Variants in SDK2 observed in about 807,000 individuals in gnomAD.
SDK2 encodes sidekick cell adhesion molecule 2, also known as protein sidekick-2.
In SDK2, 105 loss-of-function variants were observed where a neutral mutation model predicts 253.9. The observed-to-expected ratio is 0.41, with a 90% CI of 0.35 to 0.49. The LOEUF is 0.49. SDK2 is among the 20% of genes least tolerant of loss of function. The pLI, the probability that SDK2 is intolerant of heterozygous loss-of-function variation, is 0.06. For missense variants in SDK2, 2,608 were observed against 3,003.0 expected (o/e 0.87, Z 3.07); for synonymous variants, 1,249 against 1,234.9 (o/e 1.01, Z -0.24).
intron 1 of SDK2, among the ~76,000 whole-genome samples, chr17:73,640,830 A>C (rs2046389626): frequency 6.6e-6 from 1 of 152,014 alleles, no homozygotes; most frequent in Non-Finnish European, 1.5e-5. Context: ...TTCTCCCCCC[A>C]GGCATGATTC....
chr17:73,415,779 G>A (rs374208585), intron 17 of SDK2, 32 bp downstream of exon 17: 54 of 1,536,136 alleles, frequency 3.5e-5, no homozygotes, highest in African/African-American at 1.4e-4. Flanking sequence ...ATGAGCCACC[G>A]CGCCTGGTCT....
chr17:73,466,042 T>G lies in SDK2; in HGVS notation c.331+6070A>C, dbSNP rs1045352754. 2.4e-4 allele frequency among the ~76,000 whole-genome samples: 37 copies of G among 152,124 alleles called. 1 individual carries two copies. Among genetic ancestry groups the G allele is most frequent in the African/African-American group, 8.7e-4 (36 of 41,432 alleles). Reference sequence around the variant, plus strand: ...CTGGGGTAGGGAGAGGGGACTGAAGTGCTGAGGGTGAAAGATTTAAGGAGG... The same window carrying G: ...CTGGGGTAGGGAGAGGGGACTGAAGGGCTGAGGGTGAAAGATTTAAGGAGG... On this transcript the variant is annotated intron_variant, in intron 3 of 44. Coordinates refer to ENST00000392650, the MANE Select transcript of SDK2 (RefSeq NM_001144952.2).
At chr17:73,582,066 G>A (rs551310929) in intron 1 of SDK2, among the ~76,000 whole-genome samples, 10 of 152,328 alleles carry the variant, frequency 6.6e-5, no homozygotes, top group African/African-American at 2.2e-4. Context: ...CCCACTTTGG[G>A]CTGAGCAGGG....
chr17:73,588,206 C>G (rs532841355), intron 1 of SDK2, among the ~76,000 whole-genome samples: 8 of 140,636 alleles, frequency 5.7e-5, no homozygotes, highest in East Asian at 4.1e-4. Context: ...GACCCCCCCC[C>G]CTCCCCCGCC....
intron 1 of SDK2, among the ~76,000 whole-genome samples, chr17:73,509,426 A>G (rs994609865): frequency 6.6e-6 from 1 of 152,132 alleles, no homozygotes; most frequent in Non-Finnish European, 1.5e-5. Context: ...CATCTTGGTC[A>G]GACAGCTAAC....
chr17:73,613,594 C>T (rs1262011386), intron 1 of SDK2, among the ~76,000 whole-genome samples: 1 of 142,902 alleles, frequency 7.0e-6, no homozygotes, highest in African/African-American at 2.6e-5. Flanking sequence ...GCCCCACCCC[C>T]ACCCCCACCC....
intron 1 of SDK2, among the ~76,000 whole-genome samples, chr17:73,619,483 T>C (rs1330513396): frequency 6.6e-6 from 1 of 152,108 alleles, no homozygotes; most frequent in Non-Finnish European, 1.5e-5. Context: ...GGAAACTCAA[T>C]GGGGAAAAAA....
chr17:73,438,957 T>A (rs1269368685), intron 6 of SDK2, among the ~76,000 whole-genome samples: 1 of 152,202 alleles, frequency 6.6e-6, no homozygotes, highest in Non-Finnish European at 1.5e-5. Flanking sequence ...GAGGGGCTTC[T>A]CAGGGCTTTC....
intron 1 of SDK2, among the ~76,000 whole-genome samples, chr17:73,636,865 A>C (rs2046338896): frequency 6.6e-6 from 1 of 152,140 alleles, no homozygotes; most frequent in Admixed American, 6.5e-5. Context: ...TTATTAAACA[A>C]GTGCTTATGA....
At chr17:73,372,271 C>A (rs1005641522) in intron 36 of SDK2, among the ~76,000 whole-genome samples, 24 of 152,322 alleles carry the variant, frequency 1.6e-4, no homozygotes, top group African/African-American at 5.8e-4. Context: ...GAGCCCAGAT[C>A]CTGGTTCCCA....
chr17:73,359,879 C>A (rs2062626738), intron 39 of SDK2, among the ~76,000 whole-genome samples: 1 of 152,146 alleles, frequency 6.6e-6, no homozygotes, highest in East Asian at 1.9e-4. Context: ...TGGGCTCAGG[C>A]AATCCACCCG....
At chr17:73,343,315 C>G (rs943207230) in intron 44 of SDK2, among the ~76,000 whole-genome samples, 1 of 152,260 alleles carries the variant, frequency 6.6e-6, no homozygotes, top group African/African-American at 2.4e-5. Context: ...TCTGCCTCTT[C>G]CCCCGCTCCG....
intron 12 of SDK2, among the ~76,000 whole-genome samples, chr17:73,427,923 C>A (rs2063296087): frequency 6.6e-6 from 1 of 152,176 alleles, no homozygotes; most frequent in South Asian, 2.1e-4. Context: ...AAGCCACACA[C>A]TAGAAGAAAA....
chr17:73,446,501 G>A (rs984332122), intron 5 of SDK2, among the ~76,000 whole-genome samples: 1 of 152,166 alleles, frequency 6.6e-6, no homozygotes, highest in African/African-American at 2.4e-5. Context: ...AATGGGAAGC[G>A]GTTCCTGCTG....
intron 2 of SDK2, among the ~76,000 whole-genome samples, chr17:73,489,087 A>G (rs1032001739): frequency 1.1e-4 from 17 of 152,230 alleles, no homozygotes; most frequent in African/African-American, 3.9e-4. Flanking sequence ...ATTAGCAGTA[A>G]TAATGACAAC....
intron 1 of SDK2, among the ~76,000 whole-genome samples, chr17:73,625,420 G>C (rs78777318): frequency 2.0e-5 from 3 of 152,158 alleles, no homozygotes; most frequent in Non-Finnish European, 2.9e-5. Context: ...AGGGTCCTAG[G>C]TGGTGGCCTC....
At chr17:73,442,055 G>A (rs1424370377) in intron 5 of SDK2, among the ~76,000 whole-genome samples, 1 of 152,274 alleles carries the variant, frequency 6.6e-6, no homozygotes, top group Non-Finnish European at 1.5e-5. Context: ...AAATGAAAGA[G>A]TTAAGGATGA....
intron 1 of SDK2, among the ~76,000 whole-genome samples, chr17:73,525,600 C>T (rs143500844): frequency 6.6e-6 from 1 of 152,242 alleles, no homozygotes; most frequent in Non-Finnish European, 1.5e-5. Flanking sequence ...AGGTGGCTCT[C>T]CTCACTGCAC....
chr17:73,577,035 A>T (rs1224000153), intron 1 of SDK2, among the ~76,000 whole-genome samples: 1 of 152,196 alleles, frequency 6.6e-6, no homozygotes, highest in Non-Finnish European at 1.5e-5. Flanking sequence ...CTCACCTGCA[A>T]TCCCTTCCAG....
Sources: gnomAD v4.1 joint callset for allele counts (sites outside exome capture counted in the v4.1 genomes callset) on GRCh38, gnomAD v4.1.1 for gene constraint, MANE v1.5 for transcripts, NCBI Gene and HGNC (gene_info 2026-07-23, HGNC 2026-07-21) for gene names.